The following ROBO1 variants were observed in gnomAD, a reference collection of about 807,000 sequenced individuals.
ROBO1 encodes roundabout guidance receptor 1.
Under a neutral mutation model 195.9 loss-of-function variants are expected in ROBO1, and 149 were observed. That is an observed-to-expected ratio of 0.76 (90% confidence interval 0.67 to 0.87). The LOEUF is 0.87. Among genes scored for constraint, ROBO1 ranks in the 40% least tolerant of loss-of-function variants. The pLI is 0.00. For missense variants in ROBO1, 1,933 were observed against 2,068.3 expected (o/e 0.93, Z 1.27); for synonymous variants, 816 against 733.2 (o/e 1.11, Z -1.82).
chr3:78,860,375 A>G (rs2034759381), intron 4 of ROBO1, among the ~76,000 whole-genome samples: 1 of 144,806 alleles, frequency 6.9e-6, no homozygotes, highest in Non-Finnish European at 1.5e-5. Flanking sequence ...ATGGTGGAGA[A>G]CCACTGCTTC....
At chr3:79,416,440 A>T (rs1196818879) in intron 2 of ROBO1, among the ~76,000 whole-genome samples, 1 of 145,004 alleles carries the variant, frequency 6.9e-6, no homozygotes, top group African/African-American at 2.5e-5. Context: ...CCCATCTCTA[A>T]AAAAAAAAAA....
intron 2 of ROBO1, among the ~76,000 whole-genome samples, chr3:79,362,599 G>A (rs1431715842): frequency 3.9e-5 from 6 of 152,044 alleles, no homozygotes; most frequent in African/African-American, 1.4e-4. Flanking sequence ...TTCTTTTCAG[G>A]CTTTAATTGT....
chr3:78,712,039 A>G (rs200421463), intron 8 of ROBO1, among the ~76,000 whole-genome samples: 5 of 122,520 alleles, frequency 4.1e-5, no homozygotes, highest in African/African-American at 5.9e-5. Context: ...AAAAAAAAAA[A>G]AAAAAAAAAA....
chr3:79,004,303 A>G (rs1225308638), intron 3 of ROBO1, among the ~76,000 whole-genome samples: 2 of 152,178 alleles, frequency 1.3e-5, no homozygotes, highest in Non-Finnish European at 2.9e-5. Context: ...AATTTGCTCA[A>G]AAATCAGAAG....
chr3:79,002,479 C>T (rs1045820072), intron 3 of ROBO1, among the ~76,000 whole-genome samples: 3 of 152,032 alleles, frequency 2.0e-5, no homozygotes, highest in Non-Finnish European at 4.4e-5. Context: ...CCCTCATTTA[C>T]AGATAAGGAA....
At chr3:79,016,658 C>T (rs2077943556) in intron 3 of ROBO1, among the ~76,000 whole-genome samples, 1 of 152,188 alleles carries the variant, frequency 6.6e-6, no homozygotes, top group African/African-American at 2.4e-5. Flanking sequence ...TATCTTTAAT[C>T]TACAGCCATG....
chr3:78,873,426 C>A (rs1412634442), intron 4 of ROBO1, among the ~76,000 whole-genome samples: 1 of 152,122 alleles, frequency 6.6e-6, no homozygotes, highest in African/African-American at 2.4e-5. Flanking sequence ...AATTGAAACC[C>A]CAGCTGAAAC....
At chr3:79,188,568 ACGT>A (rs1379739268) in intron 2 of ROBO1, among the ~76,000 whole-genome samples, 1 of 151,634 alleles carries the variant, frequency 6.6e-6, no homozygotes, top group Non-Finnish European at 1.5e-5. Context: ...ACACACATAT[ACGT>A]CGTCTTTCTG....
rs571288834 is a variant in ROBO1 at position 79,136,358 on chromosome 3, T to C, written c.89-10819A>G. Among the ~76,000 whole-genome samples the C allele has an allele frequency of 1.1e-4, 16 of 152,338 alleles. No individual in the cohort carries two copies. The South Asian group carries it at 2.7e-3, about 26-fold the overall frequency. On this transcript the variant is annotated intron_variant, in intron 2 of 30. Coordinates refer to ENST00000464233, the MANE Select transcript of ROBO1 (RefSeq NM_002941.4). ...TAAAAACATAAAAGCTTCTTCCTTT[T>C]GCCCTACTTACTATAAAGTGTCAAG...
intron 29 of ROBO1, among the ~76,000 whole-genome samples, chr3:78,604,040 T>A (rs1273966247): frequency 6.6e-6 from 1 of 152,036 alleles, no homozygotes; most frequent in East Asian, 1.9e-4. Flanking sequence ...TCTCACCTAC[T>A]TTTTAATTTT....
rs185503064 is a variant in ROBO1, at chr3:78,937,445, A to G, written c.499+1156T>C. 4.8e-3 allele frequency among the ~76,000 whole-genome samples: 725 copies of G among 152,100 alleles called. 4 individuals are homozygous for G. The highest frequency in any genetic ancestry group is 9.0e-3 in the Admixed American group (138 of 15,262). On this transcript the variant is annotated intron_variant, in intron 4 of 30. Coordinates refer to ENST00000464233, the MANE Select transcript of ROBO1 (RefSeq NM_002941.4). ...TGGTTATTTATATAGTTTTATAGAG[A>G]ATTATATATAAAGTGAATTTTATCT...
At chr3:79,418,705 C>G (rs182049190) in intron 2 of ROBO1, among the ~76,000 whole-genome samples, 1 of 152,018 alleles carries the variant, frequency 6.6e-6, no homozygotes, top group Admixed American at 6.6e-5. Flanking sequence ...CATACATAGA[C>G]GGATAGATGA....
intron 4 of ROBO1, among the ~76,000 whole-genome samples, chr3:78,922,193 T>G (rs558692614): frequency 6.6e-6 from 1 of 152,242 alleles, no homozygotes; most frequent in Admixed American, 6.5e-5. Flanking sequence ...AGGCTAAAGT[T>G]GCTCTTCCAA....
At chr3:79,200,851 C>G (rs1029378429) in intron 2 of ROBO1, among the ~76,000 whole-genome samples, 1 of 151,866 alleles carries the variant, frequency 6.6e-6, no homozygotes, top group African/African-American at 2.4e-5. Flanking sequence ...TAGTTAAATG[C>G]TTAGCTCTCA....
At chr3:79,568,844 G>A (rs958181291) in intron 2 of ROBO1, among the ~76,000 whole-genome samples, 8 of 151,948 alleles carry the variant, frequency 5.3e-5, no homozygotes, top group Admixed American at 3.9e-4. Context: ...TTAATATTAC[G>A]TTATACTCTG....
chr3:79,648,810 C>T (rs1455987122), intron 1 of ROBO1, among the ~76,000 whole-genome samples: 2 of 151,926 alleles, frequency 1.3e-5, no homozygotes, highest in Non-Finnish European at 2.9e-5. Flanking sequence ...AAACTAAAAA[C>T]ATCTCTTAAA....
In ROBO1 at chr3:78,646,196, A is replaced by G. The variant is rs1706274546; in HGVS notation, c.2840-6T>C. 6.2e-7 allele frequency: 1 copy of G among 1,605,304 alleles called. No homozygotes were observed. The highest frequency in any genetic ancestry group is 2.2e-5 in the East Asian group (1 of 44,764). ...GCCTCCTCTCTGGTAAGTTACTAGAATGTTACGAAAAAAAAAAGGAACAAT... is the reference window on the plus strand; with the variant it reads ...GCCTCCTCTCTGGTAAGTTACTAGAGTGTTACGAAAAAAAAAAGGAACAAT... On this transcript the variant is annotated splice_polypyrimidine_tract_variant and splice_region_variant and intron_variant, in intron 20 of 30. Transcript: ENST00000464233.
intron 2 of ROBO1, among the ~76,000 whole-genome samples, chr3:79,496,212 CAA>C (rs751339145): frequency 0.049 from 2,749 of 56,294 alleles, 45 homozygotes; most frequent in African/African-American, 0.16. Flanking sequence ...GACTCTGTCT[CAA>C]AAAAAAAAAA....
rs1209454886 is a variant in ROBO1, at chr3:78,886,031, C to A, written c.499+52570G>T. On this transcript the variant is annotated intron_variant, in intron 4 of 30. Coordinates refer to ENST00000464233, the MANE Select transcript of ROBO1 (RefSeq NM_002941.4). The stretch of plus-strand genomic sequence containing the variant: ...ACAAGTTTATATTTTTGTAAAACGT[C>A]TTCTAACATTTGATATATGACTTTA... 1.3e-5 allele frequency among the ~76,000 whole-genome samples: 2 copies of A among 148,402 alleles called. 1 individual carries two copies. Among genetic ancestry groups the A allele is most frequent in the East Asian group, 4.0e-4 (2 of 5,056 alleles).
Sources: gnomAD v4.1 joint callset for allele counts (sites outside exome capture counted in the v4.1 genomes callset) on GRCh38, gnomAD v4.1.1 for gene constraint, MANE v1.5 for transcripts, NCBI Gene and HGNC (gene_info 2026-07-23, HGNC 2026-07-21) for gene names.